TMEM132B: variants seen among roughly 807,000 people sequenced by gnomAD.
The protein encoded by TMEM132B is transmembrane protein 132B.
In TMEM132B, 18 loss-of-function variants were observed where a neutral mutation model predicts 90.8. The observed-to-expected ratio is 0.20, with a 90% CI of 0.14 to 0.29. The LOEUF (loss-of-function observed/expected upper bound fraction) is 0.29. Among genes scored for constraint, TMEM132B ranks in the 10% least tolerant of loss-of-function variants. The pLI, the probability that TMEM132B is intolerant of heterozygous loss-of-function variation, is 1.00. For missense variants in TMEM132B, 1,096 were observed against 1,326.8 expected (o/e 0.83, Z 2.70); for synonymous variants, 504 against 523.3 (o/e 0.96, Z 0.50).
chr12:125,236,680 C>G (rs1229781983), intron 1 of TMEM132B, among the ~76,000 whole-genome samples: 1 of 152,200 alleles, frequency 6.6e-6, no homozygotes, highest in African/African-American at 2.4e-5. Flanking sequence ...CTGCAGAAGC[C>G]CATCCAGCCT....
chr12:125,531,963 C>T (rs1339868547), intron 4 of TMEM132B, among the ~76,000 whole-genome samples: 2 of 152,246 alleles, frequency 1.3e-5, no homozygotes, highest in Non-Finnish European at 2.9e-5. Context: ...CACATAGTGC[C>T]AGGGAGGCCA....
At chr12:125,499,178 T>A (rs1882630857) in intron 3 of TMEM132B, among the ~76,000 whole-genome samples, 1 of 152,182 alleles carries the variant, frequency 6.6e-6, no homozygotes, top group Non-Finnish European at 1.5e-5. Flanking sequence ...CATTTGATCT[T>A]GTATCTCTAG....
chr12:125,542,140 A>C, intron 4 of TMEM132B, among the ~76,000 whole-genome samples: 2 of 151,916 alleles, frequency 1.3e-5, no homozygotes. Flanking sequence ...ATGAGTTAGA[A>C]AAGTTAGCAT....
At chr12:125,296,792 G>A (rs1309365846) in intron 1 of TMEM132B, among the ~76,000 whole-genome samples, 2 of 152,154 alleles carry the variant, frequency 1.3e-5, no homozygotes, top group African/African-American at 2.4e-5. Context: ...TCACCGAACT[G>A]GGACCAGGCT....
At chr12:125,218,431 C>G (rs929872366) in intron 1 of TMEM132B, among the ~76,000 whole-genome samples, 1 of 152,004 alleles carries the variant, frequency 6.6e-6, no homozygotes, top group African/African-American at 2.4e-5. Flanking sequence ...AGCTATTTTT[C>G]TTTGCTGTGA....
intron 4 of TMEM132B, among the ~76,000 whole-genome samples, chr12:125,581,038 A>G (rs2136861514): frequency 6.6e-6 from 1 of 152,356 alleles, no homozygotes; most frequent in South Asian, 2.1e-4. Context: ...TAAAAAAGGT[A>G]TGAAAATCTC....
intron 4 of TMEM132B, among the ~76,000 whole-genome samples, chr12:125,572,260 A>G (rs1884817581): frequency 6.6e-6 from 1 of 152,186 alleles, no homozygotes; most frequent in Admixed American, 6.5e-5. Context: ...TGCGTTGGAA[A>G]CTTAATCCTG....
intron 2 of TMEM132B, among the ~76,000 whole-genome samples, chr12:125,354,167 A>G (rs559993996): frequency 6.6e-6 from 1 of 152,326 alleles, no homozygotes; most frequent in Admixed American, 6.5e-5. Context: ...ATGTTCTCAA[A>G]TTCCCAAATC....
At chr12:125,455,127 CTG>C (rs1881258412) in intron 3 of TMEM132B, among the ~76,000 whole-genome samples, 1 of 151,328 alleles carries the variant, frequency 6.6e-6, no homozygotes, top group African/African-American at 2.4e-5. Context: ...GGAGGGGAGT[CTG>C]GAGTGGAGGA....
intron 1 of TMEM132B, among the ~76,000 whole-genome samples, chr12:125,231,705 C>G (rs1873828194): frequency 6.6e-6 from 1 of 151,828 alleles, no homozygotes; most frequent in South Asian, 2.1e-4. Flanking sequence ...TTTTTAAATT[C>G]TAGGATTTCA....
chr12:125,630,772 G>C (rs1886351135), intron 5 of TMEM132B, among the ~76,000 whole-genome samples: 1 of 151,922 alleles, frequency 6.6e-6, no homozygotes, highest in Non-Finnish European at 1.5e-5. Context: ...CCCACTGTCT[G>C]TTGTTCCCTT....
chr12:125,449,097 G>A (rs559579102), intron 3 of TMEM132B, among the ~76,000 whole-genome samples: 5 of 151,398 alleles, frequency 3.3e-5, no homozygotes, highest in Non-Finnish European at 7.4e-5. Context: ...CTCCTGAGTA[G>A]CTGGGACTAC....
intron 4 of TMEM132B, among the ~76,000 whole-genome samples, chr12:125,532,159 G>C (rs1389836201): frequency 6.6e-6 from 1 of 152,142 alleles, no homozygotes; most frequent in Non-Finnish European, 1.5e-5. Context: ...CCTCTATTTG[G>C]GAAAACCTTT....
At chr12:125,311,820 T>A (rs1876132425) in intron 1 of TMEM132B, among the ~76,000 whole-genome samples, 1 of 152,158 alleles carries the variant, frequency 6.6e-6, no homozygotes, top group Non-Finnish European at 1.5e-5. Context: ...GCATGATATT[T>A]CCTTCTGATC....
At chr12:125,512,972 T>C (rs1267991159) in intron 3 of TMEM132B, among the ~76,000 whole-genome samples, 4 of 151,980 alleles carry the variant, frequency 2.6e-5, no homozygotes, top group African/African-American at 9.7e-5. Flanking sequence ...ACTCAGGGAG[T>C]GGGAAGGATG....
intron 5 of TMEM132B, among the ~76,000 whole-genome samples, chr12:125,616,854 C>T (rs921722840): frequency 2.7e-4 from 41 of 151,954 alleles, no homozygotes; most frequent in African/African-American, 9.9e-4. Context: ...GGATTAGTGC[C>T]CTTATAAGAA....
intron 5 of TMEM132B, among the ~76,000 whole-genome samples, chr12:125,614,721 A>G (rs1219488686): frequency 6.6e-6 from 1 of 152,192 alleles, no homozygotes; most frequent in Non-Finnish European, 1.5e-5. Flanking sequence ...AAATTTTCTG[A>G]AAGAACTTAA....
intron 1 of TMEM132B, among the ~76,000 whole-genome samples, chr12:125,243,032 T>TATATATATAC (rs1215676534): frequency 1.7e-4 from 23 of 134,996 alleles, no homozygotes; most frequent in Middle Eastern, 3.9e-3. Context: ...TATATATATA[T>TATATATATAC]ACACACACAC....
intron 1 of TMEM132B, among the ~76,000 whole-genome samples, chr12:125,198,592 G>A (rs774971354): frequency 1.3e-5 from 2 of 152,204 alleles, no homozygotes; most frequent in Non-Finnish European, 2.9e-5. Flanking sequence ...TGGGACTGTG[G>A]GGATGGAATC....
Sources: allele counts gnomAD v4.1 joint callset (sites outside exome capture counted in the v4.1 genomes callset), GRCh38; gene constraint gnomAD v4.1.1; transcripts MANE v1.5; gene names NCBI Gene and HGNC (gene_info 2026-07-23, HGNC 2026-07-21).